The following KIF18A variants were observed in gnomAD, a reference collection of about 807,000 sequenced individuals.
The protein encoded by KIF18A is kinesin family member 18A, also known as kinesin-like protein KIF18A.
KIF18A carries 67 observed loss-of-function variants against 103.3 expected under a neutral mutation model. The ratio of observed to expected loss-of-function variants is 0.65; its 90% CI spans 0.53 to 0.79. The LOEUF (loss-of-function observed/expected upper bound fraction) is 0.79. KIF18A is among the 30% of genes least tolerant of loss of function. The pLI, the probability that KIF18A is intolerant of heterozygous loss-of-function variation, is 0.00. For synonymous variants in KIF18A, 367 were observed against 355.5 expected (o/e 1.03, Z -0.36); for missense variants, 1,032 against 1,062.5 (o/e 0.97, Z 0.40).
At chr11:28,098,669 C>G (rs960088649) in intron 1 of KIF18A, among the ~76,000 whole-genome samples, 1 of 152,106 alleles carries the variant, frequency 6.6e-6, no homozygotes, top group Non-Finnish European at 1.5e-5. Context: ...TGATCCTACT[C>G]TCTGCTTTCT....
chr11:28,038,884 G>T (rs968724826), intron 13 of KIF18A, among the ~76,000 whole-genome samples: 5 of 151,714 alleles, frequency 3.3e-5, no homozygotes, highest in African/African-American at 1.2e-4. Flanking sequence ...ATGCTGCAGA[G>T]TAAAGACAGT....
chr11:28,053,138 T>C (rs1850732804), intron 13 of KIF18A, among the ~76,000 whole-genome samples: 1 of 152,206 alleles, frequency 6.6e-6, no homozygotes, highest in Non-Finnish European at 1.5e-5. Context: ...ACCTTGTTTG[T>C]ATCTTAATTC....
chr11:28,023,124 T>C (rs1850266968), intron 16 of KIF18A, among the ~76,000 whole-genome samples: 1 of 152,178 alleles, frequency 6.6e-6, no homozygotes, highest in South Asian at 2.1e-4. Flanking sequence ...TGTTGGGGCC[T>C]GAAAACTGGC....
At chr11:28,050,809 T>A (rs531567894) in intron 13 of KIF18A, among the ~76,000 whole-genome samples, 2 of 151,950 alleles carry the variant, frequency 1.3e-5, no homozygotes, top group Non-Finnish European at 3.0e-5. Context: ...TAGGTACATA[T>A]TTTACTCTTA....
At chr11:28,088,378 G>T in intron 6 of KIF18A, 146 bp downstream of exon 6, 1 of 602,682 alleles carries the variant, frequency 1.7e-6, no homozygotes. Context: ...GGTTTTCTGA[G>T]GTCTTTGATC....
rs1851102643 is a variant in KIF18A, at chr11:28,077,036, T to C, written c.1396A>G (p.Met466Val). 1 of 1,559,300 alleles carries C rather than the reference T, an allele frequency of 6.4e-7. No individual in the cohort carries two copies. The highest frequency in any genetic ancestry group is 1.2e-5 in the South Asian group (1 of 83,872). Reference protein sequence around the residue: ...YQQQCHKQIEMMCSEDKVEKA... With the variant: ...YQQQCHKQIEVMCSEDKVEKA... ...TCTACTTTGTCTTCAGAACACATCA[T>C]TTCTATTTGTTTATGGCACTGTTGT... The change falls in exon 10 of 17, where the codon ATG becomes GTG. Residue 466 changes from methionine to valine, a missense_variant. Transcript: ENST00000263181.
intron 15 of KIF18A, among the ~76,000 whole-genome samples, chr11:28,029,295 G>A (rs1850363862): frequency 6.6e-6 from 1 of 151,976 alleles, no homozygotes; most frequent in South Asian, 2.1e-4. Context: ...CTACTGGCAA[G>A]CCCAATCCAG....
At chr11:28,056,612 C>T (rs1477399803) in intron 13 of KIF18A, among the ~76,000 whole-genome samples, 1 of 151,692 alleles carries the variant, frequency 6.6e-6, no homozygotes, top group Non-Finnish European at 1.5e-5. Flanking sequence ...AAGTCAGGAA[C>T]CCACTTAAGA....
At chr11:28,030,912 C>CA (rs1426840463) in intron 15 of KIF18A, among the ~76,000 whole-genome samples, 1 of 151,058 alleles carries the variant, frequency 6.6e-6, no homozygotes, top group African/African-American at 2.4e-5. Context: ...ATTTATGCAG[C>CA]CAAAAAACAC....
At chr11:28,084,861 C>T in intron 6 of KIF18A, 53 bp from the exon 7 acceptor site, 2 of 1,411,302 alleles carry the variant, frequency 1.4e-6, no homozygotes, top group Non-Finnish European at 2.0e-6. Flanking sequence ...AAATGCAAAC[C>T]TGCTACCACT....
intron 12 of KIF18A, among the ~76,000 whole-genome samples, chr11:28,061,322 T>C (rs1850853703): frequency 6.6e-6 from 1 of 152,282 alleles, no homozygotes; most frequent in African/African-American, 2.4e-5. Flanking sequence ...GAATTCAAGA[T>C]TGATTCCAAA....
chr11:28,064,663 T>G (rs1372099611), intron 11 of KIF18A, among the ~76,000 whole-genome samples: 1 of 151,978 alleles, frequency 6.6e-6, no homozygotes, highest in Non-Finnish European at 1.5e-5. Context: ...TCTTCTTGAG[T>G]CATTCTTTTA....
In KIF18A at chr11:28,020,722, C is replaced by T. The variant is rs1017259432; in HGVS notation, c.*478G>A. The stretch of plus-strand genomic sequence containing the variant: ...ATGATTTTATGGGCACATATATTTA[C>T]ACTTGTACATTAAAGTATTTTTGAA... On this transcript the variant is annotated 3_prime_UTR_variant, in exon 17 of 17. Transcript: ENST00000263181. 6.6e-6 allele frequency: 1 copy of T among 152,004 alleles called. No homozygotes were observed. Among genetic ancestry groups the T allele is most frequent in the Non-Finnish European group, 1.5e-5 (1 of 67,984 alleles). The allele number at this position is 152,004 out of a possible 1,614,324, so 9.4% of individuals were successfully genotyped here.
chr11:28,089,780 T>G (rs913354452), intron 5 of KIF18A, among the ~76,000 whole-genome samples: 2 of 152,228 alleles, frequency 1.3e-5, no homozygotes, highest in African/African-American at 2.4e-5. Context: ...TTATCTGAAC[T>G]ACATTAGGTG....
At chr11:28,038,295 C>T (rs1850519388) in intron 13 of KIF18A, among the ~76,000 whole-genome samples, 1 of 151,350 alleles carries the variant, frequency 6.6e-6, no homozygotes, top group Non-Finnish European at 1.5e-5. Flanking sequence ...TTTATTAATG[C>T]CCCAAATAAT....
At chr11:28,085,147 A>G (rs1168380798) in intron 6 of KIF18A, among the ~76,000 whole-genome samples, 1 of 152,192 alleles carries the variant, frequency 6.6e-6, no homozygotes, top group Non-Finnish European at 1.5e-5. Flanking sequence ...AGTGATCTAG[A>G]AGGCAAGAGG....
chr11:28,061,044 C>T (rs909988362), intron 12 of KIF18A, among the ~76,000 whole-genome samples: 11 of 152,286 alleles, frequency 7.2e-5, no homozygotes, highest in Non-Finnish European at 1.2e-4. Context: ...TGAAATAAAG[C>T]ACAGCTAAGA....
At chr11:28,074,413 G>A (rs551380906) in intron 10 of KIF18A, among the ~76,000 whole-genome samples, 60 of 152,170 alleles carry the variant, frequency 3.9e-4, no homozygotes, top group African/African-American at 1.4e-3. Flanking sequence ...ATATAAATTC[G>A]AAGAAATAAA....
intron 13 of KIF18A, among the ~76,000 whole-genome samples, chr11:28,058,640 C>T (rs1183275362): frequency 2.8e-5 from 3 of 107,144 alleles, no homozygotes; most frequent in African/African-American, 1.1e-4. Context: ...CCAGGCTGGG[C>T]AACAGGGTGA....
Sources: allele counts gnomAD v4.1 joint callset (sites outside exome capture counted in the v4.1 genomes callset), GRCh38; gene constraint gnomAD v4.1.1; transcripts MANE v1.5; gene names NCBI Gene and HGNC (gene_info 2026-07-23, HGNC 2026-07-21).